The following ARID4A variants were observed in gnomAD, a reference collection of about 807,000 sequenced individuals.
ARID4A encodes AT-rich interaction domain 4A.
ARID4A carries 39 observed loss-of-function variants against 148.6 expected under a neutral mutation model. The observed-to-expected ratio is 0.26, with a 90% CI of 0.20 to 0.34. The LOEUF is 0.34. ARID4A is among the 10% of genes least tolerant of loss of function. The pLI is 1.00. For missense variants in ARID4A, 1,265 were observed against 1,449.1 expected (o/e 0.87, Z 2.06); for synonymous variants, 475 against 481.2 (o/e 0.99, Z 0.17).
chr14:58,350,804 G>A (rs954137653), intron 15 of ARID4A, among the ~76,000 whole-genome samples: 1 of 151,984 alleles, frequency 6.6e-6, no homozygotes, highest in Admixed American at 6.6e-5. Flanking sequence ...TTTCTTTTTT[G>A]TTGTTGTTGT....
At chr14:58,316,922 G>A (rs1038425297) in intron 5 of ARID4A, among the ~76,000 whole-genome samples, 26 of 278 alleles carry the variant, frequency 0.094, no homozygotes, top group African/African-American at 0.27. Flanking sequence ...GGCCAGGCGC[G>A]GTGCTCACGC....
chr14:58,319,345 G>A (rs2140165195), intron 7 of ARID4A, among the ~76,000 whole-genome samples: 1 of 151,992 alleles, frequency 6.6e-6, no homozygotes. Context: ...AGGATTACAG[G>A]CGTGAGCCAC....
In ARID4A at chr14:58,317,142, G is replaced by A. The variant is rs776860369; in HGVS notation, c.275-1400G>A. ...CGGGAGGCGGAGCTTGCAGTGAGCT[G>A]AGATCGCGCCACTGCACTCCAGCCT... On this transcript the variant is annotated intron_variant, in intron 5 of 23. Coordinates refer to ENST00000355431, the MANE Select transcript of ARID4A (RefSeq NM_002892.4). Among the ~76,000 whole-genome samples the A allele has an allele frequency of 6.8e-4, 98 of 143,878 alleles. 3 individuals carry two copies. Among genetic ancestry groups the A allele is most frequent in the Non-Finnish European group, 4.6e-5 (3 of 65,816 alleles). 94.4% of individuals were successfully genotyped at this position (143,878 alleles called of 152,430 possible).
In ARID4A at chr14:58,372,603, A is replaced by C. The variant is rs1450910877; in HGVS notation, c.*614A>C. ...AGTTGTAATAAGTCTTCCACTTTTT[A>C]TAGGATTTTTGAGCACAAAATTATG... is the stretch of plus-strand genomic sequence containing the variant. On this transcript the variant is annotated 3_prime_UTR_variant, in exon 24 of 24. Coordinates refer to ENST00000355431, the MANE Select transcript of ARID4A (RefSeq NM_002892.4). 3.4e-5 allele frequency: 7 copies of C among 203,432 alleles called. No homozygotes were observed. Among genetic ancestry groups the C allele is most frequent in the Non-Finnish European group, 7.1e-5 (7 of 98,940 alleles). 12.6% of individuals were successfully genotyped at this position (203,432 alleles called of 1,614,324 possible).
intron 5 of ARID4A, among the ~76,000 whole-genome samples, chr14:58,312,011 C>T (rs1338470971): frequency 2.0e-5 from 3 of 151,936 alleles, no homozygotes; most frequent in Non-Finnish European, 2.9e-5. Flanking sequence ...TCAAGAGCTC[C>T]ATTGTACAAC....
chr14:58,365,319 A>C lies in ARID4A; in HGVS notation c.3211+19A>C, dbSNP rs749028577. 13 of 1,587,700 alleles carry C rather than the reference A, an allele frequency of 8.2e-6. No individual in the cohort carries two copies. The South Asian group carries it at 1.5e-4, about 18-fold the overall frequency. ...GAGAAGGGTAAGGACTTTCTAGGGAAAAGTAAGTGTTTATATGAAACCAAA... is the reference window on the plus strand; with the variant it reads ...GAGAAGGGTAAGGACTTTCTAGGGACAAGTAAGTGTTTATATGAAACCAAA... On this transcript the variant is annotated intron_variant, in intron 20 of 23. Coordinates refer to ENST00000355431, the MANE Select transcript of ARID4A (RefSeq NM_002892.4).
intron 7 of ARID4A, among the ~76,000 whole-genome samples, 186 bp downstream of exon 7, chr14:58,318,991 C>T (rs1387248790): frequency 6.6e-6 from 1 of 152,220 alleles, no homozygotes; most frequent in African/African-American, 2.4e-5. Flanking sequence ...GGAATGATAA[C>T]AACTCTTACT....
At chr14:58,362,246 T>A (rs1400984193) in intron 19 of ARID4A, among the ~76,000 whole-genome samples, 1 of 152,060 alleles carries the variant, frequency 6.6e-6, no homozygotes, top group Admixed American at 6.6e-5. Context: ...TTATTCTGCT[T>A]GTACTCGTTT....
chr14:58,370,812 T>G (rs960167486), intron 23 of ARID4A, among the ~76,000 whole-genome samples: 11 of 152,124 alleles, frequency 7.2e-5, no homozygotes, highest in African/African-American at 1.7e-4. Flanking sequence ...ATTCTCACTA[T>G]GTGGCTCAGG....
intron 15 of ARID4A, among the ~76,000 whole-genome samples, chr14:58,349,180 AT>A (rs1594940740): frequency 6.6e-6 from 1 of 152,254 alleles, no homozygotes; most frequent in Admixed American, 6.5e-5. Context: ...ACATATCAGA[AT>A]TTCCTTCCTT....
At chr14:58,369,487 A>G (rs756821259) in intron 23 of ARID4A, among the ~76,000 whole-genome samples, 1 of 151,936 alleles carries the variant, frequency 6.6e-6, no homozygotes, top group Non-Finnish European at 1.5e-5. Flanking sequence ...TCAGCTGCGC[A>G]TGGTGGCAGA....
intron 11 of ARID4A, among the ~76,000 whole-genome samples, chr14:58,340,601 C>T (rs569341540): frequency 2.2e-4 from 34 of 152,218 alleles, no homozygotes; most frequent in South Asian, 1.5e-3. Context: ...CCGCCCATCT[C>T]GGCCTCCCAA....
In ARID4A at chr14:58,346,486, A is replaced by G; in HGVS notation, c.1055A>G (p.His352Arg). The G allele has an allele frequency of 6.2e-7, 1 of 1,607,864 alleles. No homozygotes were observed. Residue 352 changes from histidine to arginine, a missense_variant, in exon 13 of 24, where the codon CAT (histidine) becomes CGT (arginine). Coordinates refer to ENST00000355431, the MANE Select transcript of ARID4A (RefSeq NM_002892.4). ...TTCAAACTCTTCAGACTGGTTTATC[A>G]TCAGGGTGGATGTGACAATGTAAGT... ...NLFKLFRLVY[H>R]QGGCDNIDSG...
chr14:58,310,298 C>T (rs61974487), intron 5 of ARID4A, among the ~76,000 whole-genome samples: 2,205 of 151,292 alleles, frequency 0.015, 20 homozygotes, highest in Non-Finnish European at 0.024. Context: ...CTATGAATAA[C>T]AGAACTATTG....
rs1327161574 is a variant in ARID4A at position 58,346,521 on chromosome 14, C to G, written c.1074+16C>G. On this transcript the variant is annotated intron_variant, in intron 13 of 23. Transcript: ENST00000355431. ...ATGTGACAATGTAAGTATAACATTG[C>G]TTTTTGAAACATGTATTGATGTGGT... 2 of 1,532,962 alleles carry G rather than the reference C, an allele frequency of 1.3e-6. No individual in the cohort carries two copies. The highest frequency in any genetic ancestry group is 2.7e-5 in the African/African-American group (2 of 72,858). The allele number at this position is 1,532,962 out of a possible 1,614,324, so 95.0% of individuals were successfully genotyped here. A position where few individuals can be genotyped will look rare whatever the true frequency, so the allele number is the denominator to read the frequency against.
Position 58,360,897 on chromosome 14 carries a change from C to T in ARID4A, c.1939-4C>T. The stretch of plus-strand genomic sequence containing the variant: ...TTCTCATACATTTTGTTGTTGTTGC[C>T]CAGAATAAAGAAGATAGTGAAAAGG... On this transcript the variant is annotated splice_polypyrimidine_tract_variant and splice_region_variant and intron_variant, in intron 18 of 23. Transcript: ENST00000355431. The T allele has an allele frequency of 2.5e-6, 4 of 1,612,404 alleles. No homozygotes were observed. The highest frequency in any genetic ancestry group is 1.1e-5 in the South Asian group (1 of 90,880).
At chr14:58,311,050 A>G (rs1330082994) in intron 5 of ARID4A, among the ~76,000 whole-genome samples, 5 of 152,144 alleles carry the variant, frequency 3.3e-5, no homozygotes, top group Admixed American at 3.3e-4. Context: ...GTTCGAGACC[A>G]GCCTGGCCAA....
At position 58,371,898 on chromosome 14, in the gene ARID4A, G is replaced by A. The variant is rs1245123798; in HGVS notation, c.3683G>A (p.Gly1228Glu). The change falls in exon 24 of 24, where the codon GGA (glycine) becomes GAA (glutamate). Residue 1228 changes from glycine (G) to glutamate (E), a missense_variant. Physicochemically the swap from Gly to Glu is moderately conservative, Grantham distance 98. Around this residue, in one of 9 missense-constraint regions of ARID4A, gnomAD observed 666 missense variants for 730.9 expected, o/e 0.91. Coordinates refer to ENST00000355431, the MANE Select transcript of ARID4A (RefSeq NM_002892.4). ...KKKDREVSHA[G>E]ASMSSASSDT... is the part of the protein sequence containing the mutation. ...TTTGATTCCACAGTGTCTCATGCGG[G>A]AGCCTCCATGTCATCTGCTTCATCA... is the stretch of plus-strand genomic sequence containing the variant. 1 of 1,613,000 alleles carries A rather than the reference G, an allele frequency of 6.2e-7. No homozygotes were observed. The highest frequency in any genetic ancestry group is 1.7e-5 in the Admixed American group (1 of 59,990).
At chr14:58,365,755 T>TA (rs1385007238) in intron 21 of ARID4A, 133 bp downstream of exon 21, 6 of 830,810 alleles carry the variant, frequency 7.2e-6, no homozygotes, top group Non-Finnish European at 1.1e-5. Context: ...TTATACTAGA[T>TA]ATTTTGCCAT....
Sources: gnomAD v4.1 joint callset for allele counts (sites outside exome capture counted in the v4.1 genomes callset) on GRCh38, gnomAD v4.1.1 for gene constraint, gnomAD v4.1.1 regional missense constraint, MANE v1.5 for transcripts, NCBI Gene and HGNC (gene_info 2026-07-23, HGNC 2026-07-21) for gene names.